The following SLC9A9 variants were observed in gnomAD, a reference collection of about 807,000 sequenced individuals.
The protein encoded by SLC9A9 is sodium/hydrogen exchanger 9.
Under a neutral mutation model 77.8 loss-of-function variants are expected in SLC9A9, and 62 were observed. That is an observed-to-expected ratio of 0.80 (90% CI 0.65 to 0.98). The LOEUF (loss-of-function observed/expected upper bound fraction) is 0.98, where lower values mean the gene tolerates loss of function less well. Ranked by LOEUF, SLC9A9 falls within the 50% of genes least tolerant of loss-of-function variation. SLC9A9 has a pLI of 0.00. For missense variants in SLC9A9, 775 were observed against 774.9 expected, an observed-to-expected ratio of 1.00 and a Z score of 0.00; for synonymous variants, 320 against 283.5, an observed-to-expected ratio of 1.13 and a Z score of -1.29.
chr3:143,549,452 T>G (rs2036844244), intron 9 of SLC9A9, among the ~76,000 whole-genome samples: 1 of 151,870 alleles, frequency 6.6e-6, no homozygotes, highest in Non-Finnish European at 1.5e-5. Flanking sequence ...AAGAAAGGGA[T>G]GAAAATGAAG....
intron 6 of SLC9A9, among the ~76,000 whole-genome samples, chr3:143,646,266 T>C (rs1429702756): frequency 6.7e-6 from 1 of 148,784 alleles, no homozygotes; most frequent in Non-Finnish European, 1.5e-5. Flanking sequence ...ATGTTATATG[T>C]TATTTATATA....
intron 4 of SLC9A9, among the ~76,000 whole-genome samples, chr3:143,712,185 C>T (rs1211643154): frequency 6.6e-6 from 1 of 152,066 alleles, no homozygotes; most frequent in East Asian, 1.9e-4. Flanking sequence ...GTTTCATGAA[C>T]CATCTGCAAA....
chr3:143,781,240 A>G (rs2007872090), intron 4 of SLC9A9, among the ~76,000 whole-genome samples: 2 of 152,202 alleles, frequency 1.3e-5, no homozygotes, highest in Non-Finnish European at 1.5e-5. Context: ...AAAATATTCT[A>G]TAAGAGTCTA....
intron 4 of SLC9A9, among the ~76,000 whole-genome samples, chr3:143,773,641 T>A (rs934315988): frequency 6.6e-6 from 1 of 152,068 alleles, no homozygotes; most frequent in Admixed American, 6.6e-5. Flanking sequence ...TGCTCCACCA[T>A]GCCCAGCTAA....
intron 6 of SLC9A9, among the ~76,000 whole-genome samples, chr3:143,629,545 CCCT>C (rs1366255087): frequency 2.0e-5 from 3 of 151,552 alleles, no homozygotes; most frequent in Non-Finnish European, 2.9e-5. Flanking sequence ...AATCTGGTAG[CCCT>C]ACCAGTATAT....
intron 9 of SLC9A9, among the ~76,000 whole-genome samples, chr3:143,537,005 T>A (rs933829530): frequency 1.3e-5 from 2 of 152,142 alleles, no homozygotes; most frequent in Admixed American, 6.5e-5. Context: ...CAAGATTTTT[T>A]AAACTCTCTA....
rs1559972629 is a variant in SLC9A9 at position 143,570,864 on chromosome 3, A to G, written c.1000+3224T>C. Among the ~76,000 whole-genome samples, 4 of 152,200 alleles carry G rather than the reference A, an allele frequency of 2.6e-5. No homozygotes were observed. In the South Asian group the frequency reaches 6.2e-4, roughly 24 times the overall value. ...ATTGTTATTAACATGCAATAAGAATATAAGTGATTCTAAATTTATTTCCTT... is the reference window on the plus strand; with the variant it reads ...ATTGTTATTAACATGCAATAAGAATGTAAGTGATTCTAAATTTATTTCCTT... On this transcript the variant is annotated intron_variant, in intron 8 of 15. Coordinates refer to ENST00000316549, the MANE Select transcript of SLC9A9 (RefSeq NM_173653.4).
At chr3:143,730,172 T>C (rs558827317) in intron 4 of SLC9A9, among the ~76,000 whole-genome samples, 1 of 152,204 alleles carries the variant, frequency 6.6e-6, no homozygotes, top group Non-Finnish European at 1.5e-5. Context: ...GTCCTGAGGA[T>C]GTCAGGGAGT....
At chr3:143,757,688 T>C (rs1000186591) in intron 4 of SLC9A9, among the ~76,000 whole-genome samples, 1 of 152,122 alleles carries the variant, frequency 6.6e-6, no homozygotes, top group Non-Finnish European at 1.5e-5. Context: ...GGGTAAGAAC[T>C]AGTGTGTCTA....
chr3:143,761,444 C>G (rs1442938852), intron 4 of SLC9A9, among the ~76,000 whole-genome samples: 3 of 152,170 alleles, frequency 2.0e-5, no homozygotes, highest in Non-Finnish European at 2.9e-5. Context: ...ATCTACTCAT[C>G]TGACAAAGGG....
At chr3:143,567,793 T>A (rs2037192168) in intron 8 of SLC9A9, among the ~76,000 whole-genome samples, 1 of 152,194 alleles carries the variant, frequency 6.6e-6, no homozygotes, top group Admixed American at 6.6e-5. Context: ...GTGTTCATGA[T>A]GAATCTGGTA....
chr3:143,748,274 T>C (rs1374976591), intron 4 of SLC9A9, among the ~76,000 whole-genome samples: 2 of 152,074 alleles, frequency 1.3e-5, no homozygotes, highest in African/African-American at 4.8e-5. Context: ...CCCACAAATA[T>C]AAGAGCCTTG....
chr3:143,694,629 T>C (rs1933574256), intron 4 of SLC9A9, among the ~76,000 whole-genome samples: 1 of 152,186 alleles, frequency 6.6e-6, no homozygotes, highest in Non-Finnish European at 1.5e-5. Context: ...TATAGTGTGA[T>C]GAAGTAATTT....
chr3:143,668,556 C>T (rs556516142), intron 5 of SLC9A9, among the ~76,000 whole-genome samples: 8 of 152,140 alleles, frequency 5.3e-5, no homozygotes, highest in Non-Finnish European at 1.2e-4. Context: ...TAAACACTTT[C>T]ACTTCCTTTT....
At chr3:143,840,476 C>G (rs542798204) in intron 1 of SLC9A9, among the ~76,000 whole-genome samples, 1 of 152,320 alleles carries the variant, frequency 6.6e-6, no homozygotes, top group South Asian at 2.1e-4. Flanking sequence ...CTGTCCCACC[C>G]ATTGTTTCAA....
chr3:143,467,014 C>T (rs2035290564), intron 12 of SLC9A9, 23 bp downstream of exon 12: 1 of 1,610,698 alleles, frequency 6.2e-7, no homozygotes, highest in Non-Finnish European at 8.5e-7. Context: ...TAATGATTTC[C>T]TTTGCTAGAC....
intron 6 of SLC9A9, among the ~76,000 whole-genome samples, chr3:143,610,520 T>A (rs1559992321): frequency 6.6e-6 from 1 of 152,176 alleles, no homozygotes; most frequent in South Asian, 2.1e-4. Flanking sequence ...AAATATCCAA[T>A]CTGTTTCTCT....
chr3:143,844,715 T>C (rs543806798), intron 1 of SLC9A9, among the ~76,000 whole-genome samples: 6 of 4,976 alleles, frequency 1.2e-3, no homozygotes, highest in South Asian at 4.7e-3. Flanking sequence ...TTCTTTCTCT[T>C]TCTTTCTTTC....
chr3:143,661,517 C>T (rs2038978138), intron 5 of SLC9A9, among the ~76,000 whole-genome samples: 1 of 152,124 alleles, frequency 6.6e-6, no homozygotes. Context: ...TTTGAGGAGA[C>T]TAGCCCCTTG....
Sources: allele counts gnomAD v4.1 joint callset (sites outside exome capture counted in the v4.1 genomes callset), GRCh38; gene constraint gnomAD v4.1.1; transcripts MANE v1.5; gene names NCBI Gene and HGNC (gene_info 2026-07-23, HGNC 2026-07-21).